SLC47A1: variants seen among roughly 807,000 people sequenced by gnomAD.
SLC47A1 encodes the protein solute carrier family 47 member 1, also known as multidrug and toxin extrusion protein 1.
A neutral mutation model predicts 65.8 loss-of-function variants in SLC47A1; 58 were observed. The observed-to-expected ratio is 0.88, with a 90% CI of 0.71 to 1.10. The LOEUF is 1.10. Ranked by LOEUF, SLC47A1 falls within the 50% of genes least tolerant of loss-of-function variation. The pLI is 0.00. For synonymous variants in SLC47A1, 285 were observed against 295.0 expected, an observed-to-expected ratio of 0.97 and a Z score of 0.35; for missense variants, 706 against 719.2, an observed-to-expected ratio of 0.98 and a Z score of 0.21.
At chr17:19,552,631 G>A (rs1231495966) in intron 6 of SLC47A1, among the ~76,000 whole-genome samples, 1 of 152,196 alleles carries the variant, frequency 6.6e-6, no homozygotes, top group East Asian at 1.9e-4. Flanking sequence ...GTTCTCTGGG[G>A]CACAGGGAAA....
At chr17:19,571,720 G>C (rs2084401496) in intron 15 of SLC47A1, 148 bp downstream of exon 15, 1 of 635,626 alleles carries the variant, frequency 1.6e-6, no homozygotes, top group Non-Finnish European at 2.7e-6. Flanking sequence ...GTTTTAACTA[G>C]ACAGTTCAGA....
rs754887675 is a variant in SLC47A1 at position 19,548,032 on chromosome 17, G to A, written c.354G>A (p.Arg118=). Residue 118 remains arginine (R), a synonymous_variant, in exon 4 of 17, where the codon CGG becomes CGA. Coordinates refer to ENST00000270570, the MANE Select transcript of SLC47A1 (RefSeq NM_018242.3). ...NLKHVGVILQ[R]SALVLLLCCF... is the part of the protein sequence containing the mutation. ...AGCACGTGGGCGTGATCCTGCAGCG[G>A]AGTGCGCTCGTCCTGCTCCTCTGCT... 6.2e-7 allele frequency: 1 copy of A among 1,614,120 alleles called. No individual in the cohort carries two copies.
intron 3 of SLC47A1, 95 bp from the exon 4 acceptor site, chr17:19,547,890 C>A: frequency 7.1e-7 from 1 of 1,411,914 alleles, no homozygotes; most frequent in South Asian, 1.5e-5. Flanking sequence ...ATCCAGCCAA[C>A]CTGCTTCTTT....
At chr17:19,547,893 G>T in intron 3 of SLC47A1, 92 bp from the exon 4 acceptor site, 1 of 1,425,284 alleles carries the variant, frequency 7.0e-7, no homozygotes. Flanking sequence ...CAGCCAACCT[G>T]CTTCTTTGTG....
chr17:19,544,728 T>C (rs1174612111), intron 2 of SLC47A1, among the ~76,000 whole-genome samples: 1 of 152,256 alleles, frequency 6.6e-6, no homozygotes, highest in African/African-American at 2.4e-5. Flanking sequence ...TCTGTGTTAC[T>C]GTGCCATTGC....
chr17:19,550,901 A>C (rs145367899), intron 5 of SLC47A1, among the ~76,000 whole-genome samples: 1 of 151,956 alleles, frequency 6.6e-6, no homozygotes, highest in Non-Finnish European at 1.5e-5. Flanking sequence ...TTAGGGCCCC[A>C]CCCTAATGAC....
chr17:19,571,666 C>T, intron 15 of SLC47A1, 94 bp downstream of exon 15: 2 of 937,922 alleles, frequency 2.1e-6, no homozygotes, highest in Non-Finnish European at 3.3e-6. Context: ...AAGTTCTTTT[C>T]TCATTTTCTT....
At chr17:19,541,364 G>A (rs1457994939) in intron 1 of SLC47A1, among the ~76,000 whole-genome samples, 2 of 152,172 alleles carry the variant, frequency 1.3e-5, no homozygotes, top group South Asian at 2.1e-4. Context: ...CAGGGGAGAG[G>A]GGCTTCCCCA....
chr17:19,575,788 A>G (rs992459510), intron 16 of SLC47A1, among the ~76,000 whole-genome samples: 6 of 152,164 alleles, frequency 3.9e-5, no homozygotes, highest in Admixed American at 3.9e-4. Context: ...AGGAGAAGCT[A>G]TCCCCTTGCC....
chr17:19,551,273 A>G (rs1916439106), intron 5 of SLC47A1, 151 bp from the exon 6 acceptor site: 3 of 747,866 alleles, frequency 4.0e-6, no homozygotes, highest in South Asian at 2.8e-5. Flanking sequence ...CCCTGGCCCC[A>G]GCCCTGTCCT....
At chr17:19,563,344 G>A (rs1443942659) in intron 12 of SLC47A1, among the ~76,000 whole-genome samples, 3 of 151,798 alleles carry the variant, frequency 2.0e-5, no homozygotes, top group East Asian at 3.9e-4. Context: ...GTGTTAGCCA[G>A]GATGGTCTCG....
At chr17:19,550,312 G>A (rs542410776) in intron 5 of SLC47A1, among the ~76,000 whole-genome samples, 91 of 151,750 alleles carry the variant, frequency 6.0e-4, no homozygotes, top group Non-Finnish European at 1.1e-3. Context: ...TAGAGACAGG[G>A]TCTTGCTAAT....
At chr17:19,540,574 C>T (rs1916116164) in intron 1 of SLC47A1, among the ~76,000 whole-genome samples, 1 of 152,156 alleles carries the variant, frequency 6.6e-6, no homozygotes, top group South Asian at 2.1e-4. Flanking sequence ...CGTGTGGCAC[C>T]ATTACAGGCC....
Position 19,577,804 on chromosome 17 carries a change from T to C in SLC47A1, c.*251T>C. 1 of 1,339,598 alleles carries C rather than the reference T, an allele frequency of 7.5e-7. No individual in the cohort carries two copies. Among genetic ancestry groups the C allele is most frequent in the Non-Finnish European group, 9.6e-7 (1 of 1,042,622 alleles). The allele number at this position is 1,339,598 out of a possible 1,614,324, so 83.0% of individuals were successfully genotyped here. A position where few individuals can be genotyped will look rare whatever the true frequency, so the allele number is the denominator to read the frequency against. The stretch of plus-strand genomic sequence containing the variant: ...CACCACTATCTGAACCAAGCAAGGA[T>C]CAATGTGCTGACTGCATTGGCCAAT... On this transcript the variant is annotated 3_prime_UTR_variant, in exon 17 of 17. Transcript: ENST00000270570.
intron 6 of SLC47A1, among the ~76,000 whole-genome samples, chr17:19,553,403 T>C (rs1916510251): frequency 6.6e-6 from 1 of 152,138 alleles, no homozygotes; most frequent in South Asian, 2.1e-4. Flanking sequence ...CCATTTTTGC[T>C]CCCAGTAACC....
chr17:19,564,406 A>G (rs2084340206), intron 12 of SLC47A1: 1 of 152,170 alleles, frequency 6.6e-6, no homozygotes. Flanking sequence ...AACATCATAT[A>G]GAGAATGCTG....
Position 19,572,856 on chromosome 17 carries a change from ACCCAGGTAAGATATGACT to A in SLC47A1, c.1485_1486+16del. ...TCTGCTCTCCCTCAGGATCCGCTTC[ACCCAGGTAAGATATGACT>A]CCCTCAGCCCTTGGACAGGCCTGTC... On this transcript the variant is annotated splice_donor_variant and splice_donor_5th_base_variant and coding_sequence_variant and intron_variant, in exon 16 of 17. Transcript: ENST00000270570. LOFTEE classifies it high-confidence loss of function. 1.2e-6 allele frequency: 2 copies of A among 1,614,096 alleles called. No individual in the cohort carries two copies. The highest frequency in any genetic ancestry group is 2.2e-5 in the South Asian group (2 of 91,076).
intron 2 of SLC47A1, among the ~76,000 whole-genome samples, chr17:19,544,670 C>G (rs1916239503): frequency 6.6e-6 from 1 of 152,250 alleles, no homozygotes; most frequent in Non-Finnish European, 1.5e-5. Flanking sequence ...CCCAGTGCCC[C>G]CCAGGGTACG....
chr17:19,565,246 T>C (rs537347663), intron 12 of SLC47A1, among the ~76,000 whole-genome samples: 18 of 152,302 alleles, frequency 1.2e-4, no homozygotes, highest in African/African-American at 4.3e-4. Context: ...GCAGAATATA[T>C]CTATGGCCTT....
Sources: allele counts gnomAD v4.1 joint callset (sites outside exome capture counted in the v4.1 genomes callset), GRCh38; gene constraint gnomAD v4.1.1; transcripts MANE v1.5; gene names NCBI Gene and HGNC (gene_info 2026-07-23, HGNC 2026-07-21).